The following COL4A4 variants were observed in gnomAD, a reference collection of about 807,000 sequenced individuals.
COL4A4 encodes the protein collagen type IV alpha 4 chain, also known as collagen alpha-4(IV) chain.
Under a neutral mutation model 192.9 loss-of-function variants are expected in COL4A4, and 105 were observed. That is an observed-to-expected ratio of 0.54 (90% CI 0.46 to 0.64). The LOEUF is 0.64. Among genes scored for constraint, COL4A4 ranks in the 30% least tolerant of loss-of-function variants. COL4A4 has a pLI of 0.00. For missense variants in COL4A4, 1,967 were observed against 2,169.3 expected, an observed-to-expected ratio of 0.91 and a Z score of 1.85; for synonymous variants, 762 against 769.9, an observed-to-expected ratio of 0.99 and a Z score of 0.17.
chr2:227,127,657 A>G (rs1466990497), intron 4 of COL4A4, among the ~76,000 whole-genome samples: 1 of 152,218 alleles, frequency 6.6e-6, no homozygotes, highest in Non-Finnish European at 1.5e-5. Flanking sequence ...TTGGCTGGCA[A>G]TGATCTGGTT....
At chr2:227,101,030 G>A (rs1006834932) in intron 17 of COL4A4, among the ~76,000 whole-genome samples, 45 of 152,024 alleles carry the variant, frequency 3.0e-4, no homozygotes, top group Admixed American at 5.2e-4. Context: ...GGATGGTCTC[G>A]ATCTCCTGAC....
intron 25 of COL4A4, 46 bp from the exon 26 acceptor site, chr2:227,062,644 G>A (rs773539838): frequency 2.3e-6 from 3 of 1,281,382 alleles, no homozygotes; most frequent in Non-Finnish European, 2.3e-6. Flanking sequence ...TGATAGCCCA[G>A]TGCAATGTGA....
chr2:227,054,820 C>T, intron 30 of COL4A4, 83 bp from the exon 31 acceptor site: 1 of 1,413,022 alleles, frequency 7.1e-7, no homozygotes, highest in South Asian at 1.2e-5. Flanking sequence ...GACAGAGTCT[C>T]ACTCTGTCAC....
chr2:227,042,668 C>A (rs1417067604), intron 36 of COL4A4, among the ~76,000 whole-genome samples: 1 of 152,130 alleles, frequency 6.6e-6, no homozygotes, highest in Non-Finnish European at 1.5e-5. Flanking sequence ...TGCCTGTAAT[C>A]CCGGCACTTT....
chr2:227,031,822 G>A (rs746964074), intron 40 of COL4A4, 123 bp downstream of exon 40: 4 of 777,620 alleles, frequency 5.1e-6, no homozygotes, highest in Non-Finnish European at 6.8e-6. Context: ...TTATCGACCT[G>A]CCAAGCTGAT....
At chr2:227,027,492 G>C (rs912914461) in intron 42 of COL4A4, among the ~76,000 whole-genome samples, 5 of 140,244 alleles carry the variant, frequency 3.6e-5, no homozygotes, top group South Asian at 2.3e-4. Context: ...TGGGAGGAGG[G>C]GGGAGGGGGG....
chr2:227,124,425 G>T (rs1368587773), intron 4 of COL4A4, among the ~76,000 whole-genome samples: 1 of 152,116 alleles, frequency 6.6e-6, no homozygotes, highest in Non-Finnish European at 1.5e-5. Context: ...TCATTAACTC[G>T]ACAAACATGA....
chr2:227,106,762 C>T (rs775146323), intron 12 of COL4A4, among the ~76,000 whole-genome samples: 18 of 152,152 alleles, frequency 1.2e-4, no homozygotes, highest in African/African-American at 3.4e-4. Context: ...GACGGGGTTT[C>T]GCCATGTTCG....
intron 44 of COL4A4, among the ~76,000 whole-genome samples, chr2:227,020,386 TAAAA>T (rs753939155): frequency 6.6e-6 from 1 of 152,034 alleles, no homozygotes; most frequent in Non-Finnish European, 1.5e-5. Flanking sequence ...CACGGGCCGT[TAAAA>T]AAAGTTGCTA....
intron 8 of COL4A4, among the ~76,000 whole-genome samples, chr2:227,113,153 G>C (rs761310257): frequency 5.9e-5 from 9 of 152,212 alleles, no homozygotes; most frequent in South Asian, 4.1e-4. Flanking sequence ...TTCCACAGGG[G>C]TTGCACCATT....
chr2:227,064,453 G>T (rs2058170309), intron 25 of COL4A4, among the ~76,000 whole-genome samples: 1 of 152,088 alleles, frequency 6.6e-6, no homozygotes, highest in East Asian at 1.9e-4. Context: ...AAAGAAAAAA[G>T]AACTAATTTG....
At chr2:227,154,383 T>C (rs148485322) in intron 1 of COL4A4, among the ~76,000 whole-genome samples, 2,596 of 152,188 alleles carry the variant, frequency 0.017, 123 homozygotes, top group Admixed American at 0.098. Flanking sequence ...CCTGCTGGGG[T>C]TCTCATCGAA....
At chr2:227,023,441 C>CAA (rs60646267) in intron 43 of COL4A4, among the ~76,000 whole-genome samples, 55,434 of 123,600 alleles carry the variant, frequency 0.45, 11,205 homozygotes, top group South Asian at 0.57. Context: ...GATTCCATCT[C>CAA]AAAAAAAAAA....
chr2:227,082,159 C>A lies in COL4A4; in HGVS notation c.1652G>T (p.Gly551Val). The A allele has an allele frequency of 6.2e-7, 1 of 1,614,106 alleles. No individual in the cohort carries two copies. Among genetic ancestry groups the A allele is most frequent in the Non-Finnish European group, 8.5e-7 (1 of 1,179,972 alleles). ...PGKHGASGPP[G>V]NKGAKGDMVV... ...CATGTCACCCTTCGCCCCTTTGTTG[C>A]CAGGTGGTCCAGAGGCACCATGCTT... Residue 551 changes from glycine to valine, a missense_variant, in exon 23 of 48, where the codon GGC becomes GTC. Gly to Val is a moderately radical substitution (Grantham distance 109, BLOSUM62 -3). Coordinates refer to ENST00000396625, the MANE Select transcript of COL4A4 (RefSeq NM_000092.5).
At chr2:227,025,701 G>T in intron 43 of COL4A4, 101 bp downstream of exon 43, 1 of 1,076,234 alleles carries the variant, frequency 9.3e-7, no homozygotes, top group Non-Finnish European at 1.4e-6. Flanking sequence ...CTATAAAAAT[G>T]TAACAAAGTT....
chr2:227,067,670 G>T (rs1350624833), intron 25 of COL4A4, among the ~76,000 whole-genome samples: 1 of 152,068 alleles, frequency 6.6e-6, no homozygotes, highest in Non-Finnish European at 1.5e-5. Flanking sequence ...TGAAACCAAC[G>T]AGAACAAAGA....
rs1961583354 is a variant in COL4A4 at position 227,004,193 on chromosome 2, A to ATG, written c.*3131_*3132insCA. On this transcript the variant is annotated 3_prime_UTR_variant, in exon 48 of 48. Transcript: ENST00000396625. ...ATGAAGGAAGTGCACTGAGACATTA[A>ATG]AGAAGCAATGGGGAACGGAGAAAAT... 1 of 152,298 alleles carries ATG rather than the reference A, an allele frequency of 6.6e-6. No individual in the cohort carries two copies. Among genetic ancestry groups the ATG allele is most frequent in the Admixed American group, 6.5e-5 (1 of 15,288 alleles). The allele number at this position is 152,298 out of a possible 1,614,324, so 9.4% of individuals were successfully genotyped here. A position where few individuals can be genotyped will look rare whatever the true frequency, so the allele number is the denominator to read the frequency against.
chr2:227,157,283 A>G (rs1250797898), intron 1 of COL4A4, among the ~76,000 whole-genome samples: 1 of 152,170 alleles, frequency 6.6e-6, no homozygotes, highest in African/African-American at 2.4e-5. Context: ...CAAAATTTAT[A>G]GGATGCAACT....
chr2:227,040,947 A>G (rs1231028863), intron 37 of COL4A4, among the ~76,000 whole-genome samples: 1 of 152,120 alleles, frequency 6.6e-6, no homozygotes, highest in Non-Finnish European at 1.5e-5. Context: ...TTTATTAATG[A>G]CAAGTATTTT....
Sources: gnomAD v4.1 joint callset for allele counts (sites outside exome capture counted in the v4.1 genomes callset) on GRCh38, gnomAD v4.1.1 for gene constraint, MANE v1.5 for transcripts, NCBI Gene and HGNC (gene_info 2026-07-23, HGNC 2026-07-21) for gene names.